Variants in CDH12 observed in about 807,000 individuals in gnomAD.
The protein encoded by CDH12 is cadherin 12.
In CDH12, 41 loss-of-function variants were observed where a neutral mutation model predicts 74.1. That is an observed-to-expected ratio of 0.55 (90% CI 0.43 to 0.72). CDH12 has a LOEUF of 0.72. Ranked by LOEUF, CDH12 falls within the 30% of genes least tolerant of loss-of-function variation. The pLI is 0.00. For missense variants in CDH12, 945 were observed against 977.2 expected (o/e 0.97, Z 0.44); for synonymous variants, 399 against 355.0 (o/e 1.12, Z -1.39).
intron 1 of CDH12, among the ~76,000 whole-genome samples, chr5:22,852,012 T>G (rs1025804454): frequency 7.2e-5 from 11 of 152,136 alleles, no homozygotes; most frequent in African/African-American, 2.7e-4. Context: ...ATTTTTCCTG[T>G]TTTGGTCATG....
At chr5:22,511,327 A>G (rs975902718) in intron 1 of CDH12, among the ~76,000 whole-genome samples, 24 of 152,224 alleles carry the variant, frequency 1.6e-4, no homozygotes, top group Non-Finnish European at 3.1e-4. Context: ...GTCATTGACT[A>G]TGAGAAAATA....
At chr5:22,393,077 AG>A (rs1742313300) in intron 3 of CDH12, among the ~76,000 whole-genome samples, 1 of 152,182 alleles carries the variant, frequency 6.6e-6, no homozygotes, top group African/African-American at 2.4e-5. Flanking sequence ...GTCACTTCTT[AG>A]GGAAAACGTC....
intron 8 of CDH12, among the ~76,000 whole-genome samples, chr5:21,833,005 T>G (rs1388391174): frequency 2.7e-5 from 2 of 72,756 alleles, no homozygotes; most frequent in Non-Finnish European, 4.4e-5. Flanking sequence ...TAATATATTA[T>G]ATATAATATA....
intron 3 of CDH12, among the ~76,000 whole-genome samples, chr5:22,255,347 T>C (rs962406774): frequency 1.3e-4 from 20 of 151,782 alleles, no homozygotes; most frequent in Admixed American, 5.3e-4. Context: ...TGAAAAGTAT[T>C]ATTTTTTACA....
chr5:22,564,794 T>A (rs560770734), intron 1 of CDH12, among the ~76,000 whole-genome samples: 2 of 152,348 alleles, frequency 1.3e-5, no homozygotes, highest in African/African-American at 4.8e-5. Flanking sequence ...AATTTATTCA[T>A]CTCTTCTTTT....
intron 4 of CDH12, among the ~76,000 whole-genome samples, chr5:22,202,145 A>ACTTT (rs1750956766): frequency 1.2e-5 from 1 of 82,860 alleles, no homozygotes; most frequent in Non-Finnish European, 2.5e-5. Flanking sequence ...CTCCCTCCCT[A>ACTTT]CTTTCCTTCC....
At chr5:22,003,813 C>T (rs182229033) in intron 5 of CDH12, among the ~76,000 whole-genome samples, 12 of 124,854 alleles carry the variant, frequency 9.6e-5, no homozygotes, top group African/African-American at 2.8e-4. Context: ...ATCAGCAGGC[C>T]CCCGCTTCCA....
At position 22,135,222 on chromosome 5, in the gene CDH12, A is replaced by G. The variant is rs544317273; in HGVS notation, c.-186-56360T>C. ...TGAACACATAAGCAAAAAAAAAAAAAAAAGAAAGAAAATCAGACCAAACAA... is the reference window on the plus strand; with the variant it reads ...TGAACACATAAGCAAAAAAAAAAAAGAAAGAAAGAAAATCAGACCAAACAA... On this transcript the variant is annotated intron_variant, in intron 4 of 14. Coordinates refer to ENST00000382254, the MANE Select transcript of CDH12 (RefSeq NM_004061.5). Among the ~76,000 whole-genome samples, 323 of 151,444 alleles carry G rather than the reference A, an allele frequency of 2.1e-3. 1 individual carries two copies. The highest frequency in any genetic ancestry group is 6.8e-3 in the Middle Eastern group (2 of 294).
intron 5 of CDH12, among the ~76,000 whole-genome samples, chr5:22,056,026 G>T (rs1177794869): frequency 6.6e-6 from 1 of 151,934 alleles, no homozygotes; most frequent in Non-Finnish European, 1.5e-5. Flanking sequence ...TTGAAATACA[G>T]AATTTTAAAA....
intron 1 of CDH12, among the ~76,000 whole-genome samples, chr5:22,611,719 C>T (rs1737410152): frequency 6.6e-6 from 1 of 152,078 alleles, no homozygotes; most frequent in Non-Finnish European, 1.5e-5. Context: ...ATGCCTATCA[C>T]CCAGTCTCCT....
At chr5:22,503,300 G>C (rs569001659) in intron 2 of CDH12, among the ~76,000 whole-genome samples, 1 of 152,084 alleles carries the variant, frequency 6.6e-6, no homozygotes, top group South Asian at 2.1e-4. Context: ...TGTGATTGTT[G>C]AAAAAGAAAA....
At chr5:22,622,857 G>C (rs1373542344) in intron 1 of CDH12, among the ~76,000 whole-genome samples, 1 of 152,098 alleles carries the variant, frequency 6.6e-6, no homozygotes, top group African/African-American at 2.4e-5. Context: ...GCCTGGCAGA[G>C]GCACAACAAA....
chr5:21,947,021 G>A (rs1017543312), intron 6 of CDH12, among the ~76,000 whole-genome samples: 1 of 152,164 alleles, frequency 6.6e-6, no homozygotes, highest in Non-Finnish European at 1.5e-5. Flanking sequence ...TTTTAAAAGT[G>A]TTTGAAAGTT....
chr5:22,806,001 T>C (rs926515659), intron 1 of CDH12, among the ~76,000 whole-genome samples: 7 of 152,236 alleles, frequency 4.6e-5, no homozygotes, highest in Admixed American at 1.3e-4. Flanking sequence ...TCCCGTTTTA[T>C]GGCTGCATAG....
chr5:22,840,257 A>G (rs898480396), intron 1 of CDH12, among the ~76,000 whole-genome samples: 29 of 152,046 alleles, frequency 1.9e-4, no homozygotes, highest in African/African-American at 7.0e-4. Flanking sequence ...AATAGCTGGG[A>G]CTACAGGTGC....
intron 6 of CDH12, among the ~76,000 whole-genome samples, 168 bp downstream of exon 6, chr5:21,974,923 A>G (rs2150122272): frequency 6.6e-6 from 1 of 152,358 alleles, no homozygotes; most frequent in Admixed American, 6.5e-5. Context: ...TTCATAATGA[A>G]GCAGAAAGAA....
At chr5:22,697,748 A>G (rs1580898444) in intron 1 of CDH12, among the ~76,000 whole-genome samples, 2 of 152,156 alleles carry the variant, frequency 1.3e-5, no homozygotes, top group South Asian at 2.1e-4. Flanking sequence ...TTGTGAATTT[A>G]TCTGTAGATA....
At chr5:21,860,215 T>C (rs777059615) in intron 6 of CDH12, among the ~76,000 whole-genome samples, 12 of 152,070 alleles carry the variant, frequency 7.9e-5, no homozygotes, top group Non-Finnish European at 1.6e-4. Context: ...AAGAAAAATA[T>C]CTTCATTTTC....
At chr5:22,075,348 T>C (rs1386421353) in intron 5 of CDH12, among the ~76,000 whole-genome samples, 5 of 148,684 alleles carry the variant, frequency 3.4e-5, no homozygotes, top group Admixed American at 6.7e-5. Context: ...CATTAGGAGA[T>C]ATACCTAATG....
Sources: gnomAD v4.1 joint callset for allele counts (sites outside exome capture counted in the v4.1 genomes callset) on GRCh38, gnomAD v4.1.1 for gene constraint, MANE v1.5 for transcripts, NCBI Gene and HGNC (gene_info 2026-07-23, HGNC 2026-07-21) for gene names.